The following SLC35D1 variants were observed in gnomAD, a reference collection of about 807,000 sequenced individuals.
SLC35D1 encodes the protein nucleotide sugar transporter SLC35D1.
SLC35D1 carries 31 observed loss-of-function variants against 46.7 expected under a neutral mutation model. The ratio of observed to expected loss-of-function variants is 0.66; its 90% CI spans 0.50 to 0.90. The LOEUF is 0.90. Among genes scored for constraint, SLC35D1 ranks in the 40% least tolerant of loss-of-function variants. The pLI is 0.00. For missense variants in SLC35D1, 397 were observed against 426.2 expected (o/e 0.93, Z 0.60); for synonymous variants, 195 against 164.6 (o/e 1.18, Z -1.41).
At chr1:67,021,408 C>T in intron 9 of SLC35D1, 127 bp downstream of exon 9, 1 of 972,056 alleles carries the variant, frequency 1.0e-6, no homozygotes, top group Non-Finnish European at 1.7e-6. Flanking sequence ...CCACCTGAAT[C>T]TGGAGGCTTA....
the SLC35D1 span, chr1:66,988,056 TAGG>T: frequency 6.6e-6 from 1 of 152,290 alleles, no homozygotes; most frequent in Non-Finnish European, 1.5e-5. Flanking sequence ...GATGGATAAT[TAGG>T]AGTGGGCACT....
chr1:67,020,775 T>C (rs2102278745), intron 9 of SLC35D1, among the ~76,000 whole-genome samples: 1 of 152,298 alleles, frequency 6.6e-6, no homozygotes, highest in East Asian at 1.9e-4. Flanking sequence ...TCACAGACCC[T>C]AAAATGCAGT....
intron 10 of SLC35D1, among the ~76,000 whole-genome samples, chr1:67,011,446 G>A (rs1197407714): frequency 3.3e-5 from 5 of 152,064 alleles, no homozygotes; most frequent in Admixed American, 3.3e-4. Context: ...TGGTCAAGTG[G>A]ATGGTAAAAA....
At chr1:67,011,601 G>A (rs1667567133) in intron 10 of SLC35D1, among the ~76,000 whole-genome samples, 1 of 152,122 alleles carries the variant, frequency 6.6e-6, no homozygotes, top group Non-Finnish European at 1.5e-5. Flanking sequence ...TCCCACCTCA[G>A]CCTCCCAAGC....
At chr1:66,989,748 C>G in the SLC35D1 span, among the ~76,000 whole-genome samples, 2 of 152,212 alleles carry the variant, frequency 1.3e-5, no homozygotes, top group African/African-American at 4.8e-5. Context: ...CAGGCGTGAG[C>G]CACCATGTCT....
intron 8 of SLC35D1, among the ~76,000 whole-genome samples, chr1:67,037,855 G>C (rs1489241552): frequency 3.3e-5 from 5 of 152,032 alleles, no homozygotes; most frequent in Admixed American, 1.3e-4. Flanking sequence ...AAATTACTAA[G>C]AAAAAAATTG....
At chr1:66,989,332 G>C in the SLC35D1 span, among the ~76,000 whole-genome samples, 1 of 152,218 alleles carries the variant, frequency 6.6e-6, no homozygotes, top group South Asian at 2.1e-4. Flanking sequence ...TTGACTGAAT[G>C]TAGAGCTGGC....
the SLC35D1 span, among the ~76,000 whole-genome samples, chr1:66,990,702 ATAGTT>A: frequency 6.6e-6 from 1 of 152,206 alleles, no homozygotes; most frequent in African/African-American, 2.4e-5. Flanking sequence ...GTGTATATGT[ATAGTT>A]AGTTAGGAAA....
the SLC35D1 span, among the ~76,000 whole-genome samples, chr1:66,978,334 A>G: frequency 1.3e-5 from 2 of 152,192 alleles, no homozygotes; most frequent in Non-Finnish European, 2.9e-5. Flanking sequence ...CAAATGCTCT[A>G]AAGCCCACAG....
the SLC35D1 span, among the ~76,000 whole-genome samples, chr1:66,974,046 G>A: frequency 6.6e-6 from 1 of 151,336 alleles, no homozygotes; most frequent in Admixed American, 6.6e-5. Flanking sequence ...AAATCCTGTG[G>A]GTTCATTTCT....
chr1:67,046,038 A>T (rs1419410957), intron 7 of SLC35D1, among the ~76,000 whole-genome samples: 1 of 152,224 alleles, frequency 6.6e-6, no homozygotes, highest in Non-Finnish European at 1.5e-5. Context: ...TTAAAATGTA[A>T]CCATCATATA....
chr1:66,989,627 C>G, the SLC35D1 span, among the ~76,000 whole-genome samples: 1 of 152,080 alleles, frequency 6.6e-6, no homozygotes, highest in Non-Finnish European at 1.5e-5. Flanking sequence ...CCATGCTCAG[C>G]TAATTTTTTT....
At position 67,039,217 on chromosome 1, in the gene SLC35D1, A is replaced by G. The variant is rs113203288; in HGVS notation, c.729+3019T>C. Among the ~76,000 whole-genome samples the G allele has an allele frequency of 3.7e-3, 562 of 152,358 alleles. 6 individuals carry two copies. Among genetic ancestry groups the G allele is most frequent in the African/African-American group, 0.011 (478 of 41,582 alleles). On this transcript the variant is annotated intron_variant, in intron 8 of 11. Transcript: ENST00000235345. ...TCAAGAGTCTGCAACTTAGGATAAT[A>G]AAAAACTGACTTGCCATGTCCCCAG...
the SLC35D1 span, chr1:66,981,926 A>T: frequency 6.2e-7 from 1 of 1,612,834 alleles, no homozygotes; most frequent in Non-Finnish European, 8.5e-7. Flanking sequence ...ATGGTAAGCA[A>T]CCAGAGAAAC....
Position 67,002,039 on chromosome 1 carries a change from C to T in SLC35D1, c.*2301G>A, listed in dbSNP as rs1168808808. ...AACTCCTGGTGGGGCTCTAGCCCAA[C>T]ACCTGTTAAAGACACCCAAAAGCCT... On this transcript the variant is annotated 3_prime_UTR_variant, in exon 12 of 12. Transcript: ENST00000235345. 2.0e-5 allele frequency: 3 copies of T among 152,294 alleles called. No homozygotes were observed. The highest frequency in any genetic ancestry group is 2.9e-5 in the Non-Finnish European group (2 of 68,030). 9.4% of individuals were successfully genotyped at this position (152,294 alleles called of 1,614,324 possible).
At chr1:66,998,412 C>T (rs1402078475), downstream of SLC35D1, among the ~76,000 whole-genome samples, 6 of 152,040 alleles carry the variant, frequency 3.9e-5, no homozygotes, top group Non-Finnish European at 8.8e-5. Flanking sequence ...TCGCTTGAAC[C>T]CGGGAAGTAG....
intron 10 of SLC35D1, 50 bp from the exon 11 acceptor site, chr1:67,009,217 TTAAA>T (rs1330824126): frequency 4.5e-6 from 3 of 662,722 alleles, no homozygotes; most frequent in Non-Finnish European, 7.6e-6. Context: ...ACTGAGCTTC[TTAAA>T]TATATATAAA....
chr1:67,052,778 G>A lies in SLC35D1; in HGVS notation c.317C>T (p.Pro106Leu). The change falls in exon 3 of 12, where the codon CCT (proline) becomes CTT (leucine). Residue 106 changes from proline to leucine, a missense_variant. Pro to Leu is a moderately conservative substitution (Grantham distance 98). Transcript: ENST00000235345. Reference protein sequence around the residue: ...VKFPDLDRNVPRKTFPLPLLY... With the variant: ...VKFPDLDRNVLRKTFPLPLLY... The stretch of plus-strand genomic sequence containing the variant: ...TCGCTTTTCTTCTTTTACCTTTCGA[G>A]GTACATTTCTGTCAAGGTCAGGAAA... 1 of 1,613,980 alleles carries A rather than the reference G, an allele frequency of 6.2e-7. No individual in the cohort carries two copies. The highest frequency in any genetic ancestry group is 8.5e-7 in the Non-Finnish European group (1 of 1,179,940).
the SLC35D1 span, among the ~76,000 whole-genome samples, chr1:66,978,085 A>G: frequency 6.6e-6 from 1 of 151,732 alleles, no homozygotes; most frequent in Non-Finnish European, 1.5e-5. Flanking sequence ...AGTCTCAGCT[A>G]CTCGGGAGAC....
Sources: gnomAD v4.1 joint callset for allele counts (sites outside exome capture counted in the v4.1 genomes callset) on GRCh38, gnomAD v4.1.1 for gene constraint, MANE v1.5 for transcripts, NCBI Gene and HGNC (gene_info 2026-07-23, HGNC 2026-07-21) for gene names.